Variants in PCDHA6 observed in about 807,000 individuals in gnomAD.
PCDHA6 encodes protocadherin alpha-6.
Under a neutral mutation model 60.3 loss-of-function variants are expected in PCDHA6, and 55 were observed. The observed-to-expected ratio is 0.91, with a 90% CI of 0.73 to 1.14. The LOEUF (loss-of-function observed/expected upper bound fraction) is 1.14, where lower values mean the gene tolerates loss of function less well. Ranked by LOEUF, PCDHA6 falls within the 50% of genes most tolerant of loss-of-function variation. The probability of loss-of-function intolerance (pLI) is 0.00; values close to 1 mark genes in which losing one functional copy is unlikely to be tolerated. For missense variants in PCDHA6, 1,327 were observed against 1,256.5 expected, an observed-to-expected ratio of 1.06 and a Z score of -0.85; for synonymous variants, 652 against 557.9, an observed-to-expected ratio of 1.17 and a Z score of -2.38.
In PCDHA6 at chr5:140,877,360, G is replaced by A. The variant is rs199937567; in HGVS notation, c.2394+46875G>A. Reference sequence around the variant, plus strand: ...GTTCCACGTGGGGCTGTACACTGGCGAGATCAGCACGACACGCATCCTGGA... The same window carrying A: ...GTTCCACGTGGGGCTGTACACTGGCAAGATCAGCACGACACGCATCCTGGA... On this transcript the variant is annotated intron_variant, in intron 1 of 3. Coordinates refer to ENST00000529310, the MANE Select transcript of PCDHA6 (RefSeq NM_018909.4). 63 of 1,614,022 alleles carry A rather than the reference G, an allele frequency of 3.9e-5. No individual in the cohort carries two copies. The highest frequency in any genetic ancestry group is 6.7e-5 in the Admixed American group (4 of 60,028).
At chr5:140,934,664 T>C (rs1268113575) in intron 1 of PCDHA6, among the ~76,000 whole-genome samples, 4 of 152,176 alleles carry the variant, frequency 2.6e-5, no homozygotes, top group Non-Finnish European at 5.9e-5. Flanking sequence ...TCTTCCCCTT[T>C]GTTTAGCAGT....
chr5:140,835,835 G>T (rs2150246191), intron 1 of PCDHA6: 3 of 1,612,346 alleles, frequency 1.9e-6, no homozygotes, highest in African/African-American at 1.3e-5. Context: ...ACGCGGACGC[G>T]CAGAAGAACG....
intron 1 of PCDHA6, chr5:140,927,194 T>C (rs2083959275): frequency 1.2e-6 from 2 of 1,614,122 alleles, no homozygotes; most frequent in Non-Finnish European, 1.7e-6. Context: ...GACCTGGTGC[T>C]CGAGGACCCG....
intron 1 of PCDHA6, among the ~76,000 whole-genome samples, chr5:140,936,016 C>T (rs1170221921): frequency 6.6e-6 from 1 of 151,732 alleles, no homozygotes; most frequent in Non-Finnish European, 1.5e-5. Context: ...CCTCAGCCTC[C>T]CGAGTAGCGG....
intron 1 of PCDHA6, among the ~76,000 whole-genome samples, chr5:140,880,283 A>G (rs1308508886): frequency 3.3e-5 from 5 of 152,250 alleles, no homozygotes; most frequent in African/African-American, 9.6e-5. Flanking sequence ...AAGTTTGACT[A>G]TCTTCATAGT....
chr5:140,910,864 A>G (rs2153516118), intron 1 of PCDHA6, among the ~76,000 whole-genome samples: 1 of 152,266 alleles, frequency 6.6e-6, no homozygotes, highest in Non-Finnish European at 1.5e-5. Context: ...TCCATCCACC[A>G]TTATCCCACA....
At chr5:140,911,338 A>G (rs1562979911) in intron 1 of PCDHA6, among the ~76,000 whole-genome samples, 1 of 152,040 alleles carries the variant, frequency 6.6e-6, no homozygotes, top group African/African-American at 2.4e-5. Context: ...TTTTCCAATC[A>G]ATGCCCTCAT....
At chr5:140,927,269 C>T in intron 1 of PCDHA6, 1 of 1,614,142 alleles carries the variant, frequency 6.2e-7, no homozygotes, top group Non-Finnish European at 8.5e-7. Context: ...CTCTTTCCTG[C>T]CGGCGACGTG....
chr5:140,968,927 T>C (rs1554231254), intron 1 of PCDHA6: 3 of 1,614,090 alleles, frequency 1.9e-6, no homozygotes, highest in African/African-American at 1.3e-5. Flanking sequence ...TATATTTCTT[T>C]TGACAATCAT....
intron 1 of PCDHA6, among the ~76,000 whole-genome samples, chr5:140,926,036 C>A (rs2082873940): frequency 6.6e-6 from 1 of 152,168 alleles, no homozygotes; most frequent in South Asian, 2.1e-4. Context: ...TTGATGCGGA[C>A]ACTATTCCCC....
At chr5:140,858,233 G>A in intron 1 of PCDHA6, 2 of 1,596,216 alleles carry the variant, frequency 1.3e-6, no homozygotes, top group Non-Finnish European at 1.7e-6. Flanking sequence ...CACCGAGGGC[G>A]CATGTGGGCC....
chr5:140,850,137 A>G, intron 1 of PCDHA6: 1 of 1,595,786 alleles, frequency 6.3e-7, no homozygotes, highest in South Asian at 1.1e-5. Flanking sequence ...TCTGGGCAGC[A>G]ACGTGACGCT....
chr5:140,997,334 C>G (rs2097767888), intron 3 of PCDHA6, among the ~76,000 whole-genome samples: 3 of 152,098 alleles, frequency 2.0e-5, no homozygotes, highest in Admixed American at 2.0e-4. Flanking sequence ...TTTCGTTGTA[C>G]AAATATCATA....
chr5:140,868,360 T>C (rs1403678889), intron 1 of PCDHA6: 1 of 152,130 alleles, frequency 6.6e-6, no homozygotes, highest in African/African-American at 2.4e-5. Context: ...AGCAATTAAA[T>C]GTAAATAACA....
chr5:140,971,718 G>A (rs1554233569), intron 1 of PCDHA6, among the ~76,000 whole-genome samples: 3 of 151,796 alleles, frequency 2.0e-5, no homozygotes, highest in Non-Finnish European at 2.9e-5. Flanking sequence ...ATAGATATAT[G>A]TATATCATAC....
At chr5:140,893,264 A>T (rs1554185566) in intron 1 of PCDHA6, among the ~76,000 whole-genome samples, 1 of 152,290 alleles carries the variant, frequency 6.6e-6, no homozygotes, top group African/African-American at 2.4e-5. Context: ...ATAAATGCCC[A>T]ATAGTGGAAT....
chr5:140,883,632 T>C (rs782762437), intron 1 of PCDHA6: 1 of 1,613,936 alleles, frequency 6.2e-7, no homozygotes, highest in South Asian at 1.1e-5. Flanking sequence ...GCGCCGGCGT[T>C]CGCGCAGCCC....
At chr5:140,882,920 G>C (rs2059362328) in intron 1 of PCDHA6, 1 of 1,614,090 alleles carries the variant, frequency 6.2e-7, no homozygotes. Flanking sequence ...CAGTGATGGA[G>C]GTAAACCCGA....
chr5:141,004,500 T>C (rs1481568200), intron 3 of PCDHA6, among the ~76,000 whole-genome samples: 1 of 152,242 alleles, frequency 6.6e-6, no homozygotes, highest in Non-Finnish European at 1.5e-5. Context: ...GCAGTCCTGC[T>C]GTGAGGGGCT....
Sources: allele counts gnomAD v4.1 joint callset (sites outside exome capture counted in the v4.1 genomes callset), GRCh38; gene constraint gnomAD v4.1.1; transcripts MANE v1.5; gene names NCBI Gene and HGNC (gene_info 2026-07-23, HGNC 2026-07-21).